Variants in S100Z observed in about 807,000 individuals in gnomAD.
S100Z encodes S100 calcium binding protein Z, also known as protein S100-Z.
In S100Z, 11 loss-of-function variants were observed where a neutral mutation model predicts 8.5. That is an observed-to-expected ratio of 1.30 (90% CI 0.82 to 2.15). The LOEUF is 2.15. Ranked by LOEUF, S100Z falls within the 30% of genes most tolerant of loss-of-function variation. The pLI is 0.00. For synonymous variants in S100Z, 34 were observed against 43.8 expected (o/e 0.78, Z 0.89); for missense variants, 126 against 117.9 (o/e 1.07, Z -0.32).
intron 1 of S100Z, among the ~76,000 whole-genome samples, chr5:76,861,604 G>T (rs1314747030): frequency 1.3e-5 from 2 of 152,128 alleles, no homozygotes; most frequent in East Asian, 3.9e-4. Context: ...CTCCCAAAGT[G>T]CTGGGATTAC....
At chr5:76,903,541 T>C (rs1454263814) in intron 4 of S100Z, among the ~76,000 whole-genome samples, 3 of 152,190 alleles carry the variant, frequency 2.0e-5, no homozygotes, top group Non-Finnish European at 4.4e-5. Flanking sequence ...TAAATTTTCA[T>C]TTCTCTTTAA....
rs1038271230 is a variant in S100Z at position 76,875,242 on chromosome 5, G to A, written c.-56-62G>A. ...ACTTGTGTGGCGAGCTGACTCGGGG[G>A]ATTGTAATATTCTGTTTTAATGAAA... is the stretch of plus-strand genomic sequence containing the variant. On this transcript the variant is annotated intron_variant, in intron 2 of 4. Coordinates refer to ENST00000317593, the MANE Select transcript of S100Z (RefSeq NM_130772.4). The A allele has an allele frequency of 1.4e-5, 13 of 913,482 alleles. 1 individual carries two copies. The South Asian group carries it at 2.3e-4, about 16-fold the overall frequency. The allele number at this position is 913,482 out of a possible 1,614,324, so 56.6% of individuals were successfully genotyped here.
intron 4 of S100Z, among the ~76,000 whole-genome samples, chr5:76,909,596 T>C (rs766120618): frequency 2.0e-5 from 3 of 152,256 alleles, no homozygotes; most frequent in Non-Finnish European, 2.9e-5. Context: ...CTATTAATGA[T>C]AAGCCTCCTC....
chr5:76,952,288 C>T, the S100Z span, among the ~76,000 whole-genome samples: 510 of 152,306 alleles, frequency 3.3e-3, 3 homozygotes, highest in African/African-American at 0.011. Flanking sequence ...TCTCATCTCT[C>T]AGTGGTTCAG....
downstream of S100Z, among the ~76,000 whole-genome samples, chr5:76,926,583 G>A (rs1745140362): frequency 6.6e-6 from 1 of 152,098 alleles, no homozygotes; most frequent in Admixed American, 6.5e-5. Flanking sequence ...AACAGGGGAG[G>A]GAGCTCCAGA....
chr5:76,879,634 C>A (rs1175755391), intron 4 of S100Z, among the ~76,000 whole-genome samples: 1 of 152,072 alleles, frequency 6.6e-6, no homozygotes, highest in Admixed American at 6.5e-5. Flanking sequence ...CATTTGTGAT[C>A]TTAAGCCACA....
At chr5:76,915,222 G>A (rs970883356) in intron 4 of S100Z, among the ~76,000 whole-genome samples, 8 of 149,916 alleles carry the variant, frequency 5.3e-5, no homozygotes, top group South Asian at 4.2e-4. Context: ...AGGAGAATGC[G>A]TAAACCTGGG....
intron 4 of S100Z, among the ~76,000 whole-genome samples, chr5:76,898,998 C>T (rs545827040): frequency 6.9e-6 from 1 of 145,664 alleles, no homozygotes; most frequent in East Asian, 2.0e-4. Flanking sequence ...TGCAATGACA[C>T]GACCTTGGCT....
intron 4 of S100Z, among the ~76,000 whole-genome samples, chr5:76,891,963 GTA>G (rs1424014783): frequency 3.3e-5 from 5 of 152,120 alleles, no homozygotes; most frequent in Non-Finnish European, 7.3e-5. Context: ...CCAACTAAGG[GTA>G]CTTATCAAAC....
chr5:76,939,596 T>G, the S100Z span, among the ~76,000 whole-genome samples: 3 of 149,784 alleles, frequency 2.0e-5, no homozygotes, highest in Non-Finnish European at 3.0e-5. Context: ...CACTGCAACC[T>G]CTGCCTCCTG....
At chr5:76,907,170 A>G (rs1387210710) in intron 4 of S100Z, among the ~76,000 whole-genome samples, 1 of 151,344 alleles carries the variant, frequency 6.6e-6, no homozygotes, top group East Asian at 1.9e-4. Flanking sequence ...CTGTTGAATT[A>G]TCTTTGCACC....
chr5:76,892,317 T>A (rs1190952830), intron 4 of S100Z, among the ~76,000 whole-genome samples: 1 of 152,160 alleles, frequency 6.6e-6, no homozygotes, highest in Non-Finnish European at 1.5e-5. Flanking sequence ...AATTGGTCCC[T>A]ACCAAAGATG....
At chr5:76,889,163 CT>C (rs1743768793) in intron 4 of S100Z, among the ~76,000 whole-genome samples, 1 of 152,192 alleles carries the variant, frequency 6.6e-6, no homozygotes, top group Non-Finnish European at 1.5e-5. Context: ...CCTCTCTCGG[CT>C]TTGGAGCCCC....
At chr5:76,905,018 C>T (rs1324881572) in intron 4 of S100Z, among the ~76,000 whole-genome samples, 3 of 152,288 alleles carry the variant, frequency 2.0e-5, no homozygotes, top group East Asian at 3.9e-4. Flanking sequence ...GAACATTTGG[C>T]AATATCGAAG....
intron 1 of S100Z, among the ~76,000 whole-genome samples, chr5:76,865,902 C>A (rs1751257400): frequency 6.6e-6 from 1 of 150,882 alleles, no homozygotes; most frequent in Non-Finnish European, 1.5e-5. Flanking sequence ...GTAATCCCAG[C>A]TACTCAGGAG....
chr5:76,864,804 G>A (rs1033184714), intron 1 of S100Z, among the ~76,000 whole-genome samples: 80 of 151,832 alleles, frequency 5.3e-4, no homozygotes, highest in Non-Finnish European at 9.1e-4. Context: ...TGCCTCCCGG[G>A]TTCAAGTGAT....
At chr5:76,914,716 G>A (rs545358285) in intron 4 of S100Z, among the ~76,000 whole-genome samples, 10 of 152,102 alleles carry the variant, frequency 6.6e-5, no homozygotes, top group East Asian at 1.9e-4. Context: ...AACACTCACC[G>A]CGAAGGTCTG....
the S100Z span, among the ~76,000 whole-genome samples, chr5:76,936,616 T>TACATACAC: frequency 4.5e-5 from 6 of 134,068 alleles, no homozygotes; most frequent in Non-Finnish European, 8.0e-5. Flanking sequence ...TTAAAGTTCC[T>TACATACAC]ACACACACAC....
rs573097809 is a variant in S100Z at position 76,911,035 on chromosome 5, T to C, written c.*3-9682T>C. Among the ~76,000 whole-genome samples the C allele has an allele frequency of 6.6e-5, 10 of 152,264 alleles. No individual in the cohort carries two copies. In the South Asian group the frequency reaches 1.5e-3, roughly 22 times the overall value. On this transcript the variant is annotated intron_variant, in intron 4 of 4. Coordinates refer to ENST00000317593, the MANE Select transcript of S100Z (RefSeq NM_130772.4). Reference sequence around the variant, plus strand: ...TGAATATGAGGAACAAGTTACCCATTTGTTGTCCTCTACTTGAGGAGGGAA... The same window carrying C: ...TGAATATGAGGAACAAGTTACCCATCTGTTGTCCTCTACTTGAGGAGGGAA...
Sources: gnomAD v4.1 joint callset for allele counts (sites outside exome capture counted in the v4.1 genomes callset) on GRCh38, gnomAD v4.1.1 for gene constraint, MANE v1.5 for transcripts, NCBI Gene and HGNC (gene_info 2026-07-23, HGNC 2026-07-21) for gene names.